Variants in CTNNA2 observed in about 807,000 individuals in gnomAD.
CTNNA2 encodes the protein catenin alpha-2.
CTNNA2 carries 42 observed loss-of-function variants against 101.0 expected under a neutral mutation model. The ratio of observed to expected loss-of-function variants is 0.42; its 90% CI spans 0.32 to 0.54. The LOEUF is 0.54. Among genes scored for constraint, CTNNA2 ranks in the 20% least tolerant of loss-of-function variants. The probability of loss-of-function intolerance (pLI) is 0.14; values close to 1 mark genes in which losing one functional copy is unlikely to be tolerated. For synonymous variants in CTNNA2, 450 were observed against 456.4 expected, an observed-to-expected ratio of 0.99 and a Z score of 0.18; for missense variants, 871 against 1,223.1, an observed-to-expected ratio of 0.71 and a Z score of 4.29.
chr2:80,181,783 C>G (rs529062938), intron 7 of CTNNA2, among the ~76,000 whole-genome samples: 1 of 152,322 alleles, frequency 6.6e-6, no homozygotes, highest in African/African-American at 2.4e-5. Context: ...AATGGTGAAT[C>G]AGGAGTATCA....
chr2:80,486,757 A>C (rs762850449), intron 9 of CTNNA2, among the ~76,000 whole-genome samples: 4 of 152,190 alleles, frequency 2.6e-5, no homozygotes, highest in African/African-American at 9.7e-5. Flanking sequence ...AACTTCCTCT[A>C]ATGTTAACAT....
intron 2 of CTNNA2, among the ~76,000 whole-genome samples, chr2:79,292,749 A>G (rs1230212921): frequency 1.3e-5 from 2 of 152,206 alleles, no homozygotes; most frequent in African/African-American, 2.4e-5. Context: ...CTGAGCTGTT[A>G]TTTCCTGAGC....
chr2:80,358,060 T>C (rs937037501), intron 7 of CTNNA2, among the ~76,000 whole-genome samples: 1 of 152,104 alleles, frequency 6.6e-6, no homozygotes, highest in Non-Finnish European at 1.5e-5. Flanking sequence ...TTCCTTATCT[T>C]TGTGAACTGG....
intron 1 of CTNNA2, among the ~76,000 whole-genome samples, chr2:79,549,824 A>T (rs910194886): frequency 6.6e-6 from 1 of 152,182 alleles, no homozygotes; most frequent in Non-Finnish European, 1.5e-5. Context: ...TTCCCCTGTT[A>T]TATGATACTG....
chr2:80,030,396 T>A (rs1225531789), intron 7 of CTNNA2: 1 of 152,188 alleles, frequency 6.6e-6, no homozygotes, highest in Non-Finnish European at 1.5e-5. Flanking sequence ...CTCAAATTTC[T>A]TGATTATCCT....
At chr2:79,341,192 C>A (rs35067842) in intron 3 of CTNNA2, among the ~76,000 whole-genome samples, 57,541 of 151,810 alleles carry the variant, frequency 0.38, 11,374 homozygotes, top group Admixed American at 0.5. Flanking sequence ...ATGTTTATGC[C>A]CTCTATTGAG....
chr2:79,930,316 GAAAGAA>G (rs762135413), intron 7 of CTNNA2, among the ~76,000 whole-genome samples: 1 of 135,882 alleles, frequency 7.4e-6, no homozygotes. Flanking sequence ...AAGAAAGAAA[GAAAGAA>G]AGAAAGAAAG....
chr2:79,500,482 G>T (rs1225935736), intron 4 of CTNNA2, among the ~76,000 whole-genome samples: 1 of 152,108 alleles, frequency 6.6e-6, no homozygotes, highest in African/African-American at 2.4e-5. Flanking sequence ...CAGAATAATT[G>T]AAATTACACA....
At chr2:80,112,969 G>A (rs1365924400) in intron 7 of CTNNA2, among the ~76,000 whole-genome samples, 1 of 152,136 alleles carries the variant, frequency 6.6e-6, no homozygotes, top group Non-Finnish European at 1.5e-5. Flanking sequence ...TCTTACCTGT[G>A]AGTTGCGTAA....
In CTNNA2 at chr2:79,278,212, G is replaced by A. The variant is rs560487513; in HGVS notation, c.-405-34497G>A. On this transcript the variant is annotated intron_variant, in intron 2 of 21. Coordinates refer to the CTNNA2 transcript ENST00000466387. Reference sequence around the variant, plus strand: ...AGCCAAGAAAAGAGAAAGTTTACAGGAACTGGCAAGAATGAGGATCAAAAT... The same window carrying A: ...AGCCAAGAAAAGAGAAAGTTTACAGAAACTGGCAAGAATGAGGATCAAAAT... Among the ~76,000 whole-genome samples the A allele has an allele frequency of 2.0e-5, 3 of 152,212 alleles. No homozygotes were observed. In the East Asian group the frequency reaches 5.8e-4, roughly 30 times the overall value.
intron 1 of CTNNA2, among the ~76,000 whole-genome samples, chr2:79,578,869 G>T (rs1317182278): frequency 2.6e-5 from 4 of 151,552 alleles, no homozygotes; most frequent in African/African-American, 9.7e-5. Context: ...TTAAATGTGG[G>T]GCCTCTAAAT....
chr2:80,535,615 CTA>C, intron 9 of CTNNA2, among the ~76,000 whole-genome samples: 1 of 152,196 alleles, frequency 6.6e-6, no homozygotes, highest in South Asian at 2.1e-4. Flanking sequence ...TAAAATTAAA[CTA>C]TATAGAATGA....
Position 79,980,431 on chromosome 2 carries a change from A to G in CTNNA2, c.1056+70634A>G, listed in dbSNP as rs374423714. On this transcript the variant is annotated intron_variant, in intron 7 of 18. Transcript: ENST00000402739. The stretch of plus-strand genomic sequence containing the variant: ...TAATATCAACCTCATTGGTTTTAAT[A>G]TTTTTAACTCCAAAGCCCTCTAATT... 1.8e-4 allele frequency among the ~76,000 whole-genome samples: 27 copies of G among 152,234 alleles called. No individual in the cohort carries two copies. In the South Asian group the frequency reaches 4.6e-3, roughly 26 times the overall value.
chr2:80,551,196 T>C (rs1325417417), intron 11 of CTNNA2, among the ~76,000 whole-genome samples: 1 of 152,124 alleles, frequency 6.6e-6, no homozygotes, highest in Non-Finnish European at 1.5e-5. Flanking sequence ...GTTTCAAGAG[T>C]GGACTTGAAA....
intron 7 of CTNNA2, among the ~76,000 whole-genome samples, chr2:80,287,371 A>G (rs145163964): frequency 6.6e-6 from 1 of 152,170 alleles, no homozygotes; most frequent in Admixed American, 6.6e-5. Context: ...CTGCTGTCAC[A>G]TATACTACTT....
chr2:79,778,334 G>C (rs1344899911), intron 3 of CTNNA2, among the ~76,000 whole-genome samples: 1 of 150,282 alleles, frequency 6.7e-6, no homozygotes, highest in Non-Finnish European at 1.5e-5. Flanking sequence ...TACAGAGTGA[G>C]ACTCCATCAA....
intron 2 of CTNNA2, among the ~76,000 whole-genome samples, chr2:79,286,530 T>C (rs1275167375): frequency 4.0e-5 from 6 of 151,814 alleles, no homozygotes; most frequent in African/African-American, 1.2e-4. Flanking sequence ...TTTGGCTGGA[T>C]ATGAAATTCT....
intron 7 of CTNNA2, among the ~76,000 whole-genome samples, chr2:80,345,642 A>G (rs1220676146): frequency 6.6e-6 from 1 of 151,886 alleles, no homozygotes; most frequent in African/African-American, 2.4e-5. Flanking sequence ...TACCTGATGC[A>G]TGGTAGGGAC....
intron 7 of CTNNA2, among the ~76,000 whole-genome samples, chr2:80,183,711 T>C (rs908714794): frequency 1.8e-4 from 27 of 152,236 alleles, no homozygotes; most frequent in African/African-American, 6.3e-4. Context: ...CAAAATAATT[T>C]ATGGCTTTAA....
Sources: gnomAD v4.1 joint callset for allele counts (sites outside exome capture counted in the v4.1 genomes callset) on GRCh38, gnomAD v4.1.1 for gene constraint, MANE v1.5 for transcripts, NCBI Gene and HGNC (gene_info 2026-07-23, HGNC 2026-07-21) for gene names.